SLC25A21: variants seen among roughly 807,000 people sequenced by gnomAD.
The protein encoded by SLC25A21 is mitochondrial 2-oxodicarboxylate carrier.
SLC25A21 carries 47 observed loss-of-function variants against 43.8 expected under a neutral mutation model. That is an observed-to-expected ratio of 1.07 (90% CI 0.85 to 1.37). The LOEUF (loss-of-function observed/expected upper bound fraction) is 1.37. SLC25A21 is among the 40% of genes most tolerant of loss of function. SLC25A21 has a pLI of 0.00. For synonymous variants in SLC25A21, 131 were observed against 121.3 expected (o/e 1.08, Z -0.52); for missense variants, 352 against 350.2 (o/e 1.00, Z -0.04).
chr14:36,938,565 T>C (rs76868047), intron 1 of SLC25A21, among the ~76,000 whole-genome samples: 6,679 of 152,072 alleles, frequency 0.044, 286 homozygotes, highest in Middle Eastern at 0.14. Context: ...CACTTTCTTC[T>C]GCTTGGTTGA....
At position 36,679,941 on chromosome 14, in the gene SLC25A21, A is replaced by G; in HGVS notation, c.*717T>C. The G allele has an allele frequency of 1.1e-6, 1 of 883,810 alleles. No individual in the cohort carries two copies. The highest frequency in any genetic ancestry group is 1.3e-6 in the Non-Finnish European group (1 of 750,360). 54.7% of individuals were successfully genotyped at this position (883,810 alleles called of 1,614,324 possible). ...AAGAGATTTGGAATACCTTGATTTA[A>G]ACATGCTTAAACAACAGTGTTTTAA... On this transcript the variant is annotated 3_prime_UTR_variant, in exon 10 of 10. Coordinates refer to ENST00000331299, the MANE Select transcript of SLC25A21 (RefSeq NM_030631.4).
At chr14:36,974,664 C>A (rs1178751337) in intron 1 of SLC25A21, among the ~76,000 whole-genome samples, 1 of 152,072 alleles carries the variant, frequency 6.6e-6, no homozygotes, top group African/African-American at 2.4e-5. Context: ...TTGATAATTA[C>A]TATATTATGT....
rs377234170 is a variant in SLC25A21 at position 36,760,148 on chromosome 14, T to C, written c.204-25575A>G. On this transcript the variant is annotated intron_variant, in intron 3 of 9. Transcript: ENST00000331299. ...TCGCTCCTGGGATGTGCCCAGGAGATGTATGTGGACACTACAGTTTCAGGG... is the reference window on the plus strand; with the variant it reads ...TCGCTCCTGGGATGTGCCCAGGAGACGTATGTGGACACTACAGTTTCAGGG... 1.3e-4 allele frequency among the ~76,000 whole-genome samples: 20 copies of C among 152,282 alleles called. No homozygotes were observed. In the East Asian group the frequency reaches 3.7e-3, roughly 28 times the overall value.
At chr14:36,817,732 G>A (rs1002682274) in intron 2 of SLC25A21, among the ~76,000 whole-genome samples, 1 of 152,156 alleles carries the variant, frequency 6.6e-6, no homozygotes, top group African/African-American at 2.4e-5. Flanking sequence ...AGGCAAGCAC[G>A]TCCTATGTCT....
At chr14:37,155,266 A>C (rs963220737) in intron 1 of SLC25A21, among the ~76,000 whole-genome samples, 2 of 152,174 alleles carry the variant, frequency 1.3e-5, no homozygotes, top group Admixed American at 1.3e-4. Context: ...ACTTGAAAGA[A>C]TAAGCAAGGC....
chr14:36,862,159 G>A (rs1425202997), intron 2 of SLC25A21, among the ~76,000 whole-genome samples: 7 of 152,158 alleles, frequency 4.6e-5, no homozygotes, highest in Non-Finnish European at 7.4e-5. Flanking sequence ...TACATGGTTG[G>A]TGGGGTGTAA....
chr14:36,728,489 C>A (rs1012355760), intron 5 of SLC25A21, among the ~76,000 whole-genome samples: 1 of 152,080 alleles, frequency 6.6e-6, no homozygotes, highest in Non-Finnish European at 1.5e-5. Flanking sequence ...GGAAAAAATC[C>A]CAGCTAGTTT....
intron 3 of SLC25A21, among the ~76,000 whole-genome samples, chr14:36,747,583 T>C (rs1040377502): frequency 6.6e-6 from 1 of 152,270 alleles, no homozygotes; most frequent in South Asian, 2.1e-4. Context: ...ACCCAGTGCC[T>C]CAGGAATTCA....
chr14:37,123,169 C>T (rs894845179), intron 1 of SLC25A21, among the ~76,000 whole-genome samples: 1 of 152,162 alleles, frequency 6.6e-6, no homozygotes. Context: ...AAGGTTATTG[C>T]TTAATGCTGT....
At chr14:36,904,951 C>T (rs1891495601) in intron 1 of SLC25A21, among the ~76,000 whole-genome samples, 2 of 152,138 alleles carry the variant, frequency 1.3e-5, no homozygotes, top group Non-Finnish European at 2.9e-5. Flanking sequence ...CTGTGGATTA[C>T]AATGAAGTAG....
chr14:36,977,702 G>A (rs981374551), intron 1 of SLC25A21, among the ~76,000 whole-genome samples: 6 of 152,210 alleles, frequency 3.9e-5, no homozygotes, highest in Admixed American at 1.3e-4. Context: ...AACAGTATAC[G>A]ACACTATTAT....
chr14:36,780,510 T>C (rs551860095), intron 3 of SLC25A21, among the ~76,000 whole-genome samples: 43 of 152,174 alleles, frequency 2.8e-4, no homozygotes, highest in African/African-American at 1.0e-3. Flanking sequence ...CTGCATTCCA[T>C]AAGTTTTGGT....
intron 1 of SLC25A21, among the ~76,000 whole-genome samples, chr14:36,891,060 C>T (rs1487972732): frequency 1.3e-5 from 2 of 152,132 alleles, no homozygotes; most frequent in African/African-American, 4.8e-5. Context: ...ACATTTCATA[C>T]TCATATTCCA....
At chr14:37,029,382 C>A (rs1212450493) in intron 1 of SLC25A21, among the ~76,000 whole-genome samples, 1 of 152,042 alleles carries the variant, frequency 6.6e-6, no homozygotes, top group Non-Finnish European at 1.5e-5. Flanking sequence ...TTCTTTTTTT[C>A]AAGAAATATA....
chr14:36,869,733 G>A (rs928290188), intron 2 of SLC25A21, among the ~76,000 whole-genome samples: 1 of 152,152 alleles, frequency 6.6e-6, no homozygotes, highest in African/African-American at 2.4e-5. Context: ...AGAGGATGAC[G>A]ATAATATTTT....
At chr14:36,760,819 T>A (rs1886127514) in intron 3 of SLC25A21, among the ~76,000 whole-genome samples, 3 of 145,552 alleles carry the variant, frequency 2.1e-5, no homozygotes, top group South Asian at 4.3e-4. Context: ...AAATAACACA[T>A]CAAGGGTGGA....
At chr14:36,928,326 T>C (rs1411979627) in intron 1 of SLC25A21, among the ~76,000 whole-genome samples, 1 of 152,228 alleles carries the variant, frequency 6.6e-6, no homozygotes, top group Non-Finnish European at 1.5e-5. Flanking sequence ...GCATTAAACA[T>C]GATCGTTTTG....
At chr14:37,011,886 T>C (rs751201) in intron 1 of SLC25A21, among the ~76,000 whole-genome samples, 14,462 of 152,068 alleles carry the variant, frequency 0.095, 728 homozygotes, top group Admixed American at 0.12. Context: ...ACATCCCTTT[T>C]TATAGACTTT....
chr14:37,161,689 G>T lies in SLC25A21; in HGVS notation c.70+10592C>A, dbSNP rs187184864. Among the ~76,000 whole-genome samples the T allele has an allele frequency of 2.5e-3, 388 of 152,182 alleles. 1 individual carries two copies. The highest frequency in any genetic ancestry group is 9.1e-3 in the African/African-American group (379 of 41,538). ...AGATAGGGAGAGAACGGCCAGGCAC[G>T]GTGGCTCACGCCTGTAATCCCAGCG... On this transcript the variant is annotated intron_variant, in intron 1 of 9. Transcript: ENST00000331299.
Sources: gnomAD v4.1 joint callset for allele counts (sites outside exome capture counted in the v4.1 genomes callset) on GRCh38, gnomAD v4.1.1 for gene constraint, MANE v1.5 for transcripts, NCBI Gene and HGNC (gene_info 2026-07-23, HGNC 2026-07-21) for gene names.